CUL4A: variants seen among roughly 807,000 people sequenced by gnomAD.
CUL4A encodes the protein cullin 4A, also known as cullin-4A.
CUL4A carries 16 observed loss-of-function variants against 95.5 expected under a neutral mutation model. That is an observed-to-expected ratio of 0.17 (90% confidence interval 0.11 to 0.25). CUL4A has a LOEUF of 0.25. CUL4A is among the 10% of genes least tolerant of loss of function. The pLI is 1.00. For synonymous variants in CUL4A, 380 were observed against 353.1 expected, an observed-to-expected ratio of 1.08 and a Z score of -0.85; for missense variants, 610 against 937.0, an observed-to-expected ratio of 0.65 and a Z score of 4.56.
intron 3 of CUL4A, among the ~76,000 whole-genome samples, chr13:113,227,100 C>T (rs1303456234): frequency 6.6e-6 from 1 of 152,074 alleles, no homozygotes; most frequent in Non-Finnish European, 1.5e-5. Flanking sequence ...CAGAGGCAGG[C>T]GGGGCCGTGG....
At chr13:113,208,196 C>T, upstream of CUL4A, 2 of 1,556,080 alleles carry the variant, frequency 1.3e-6, no homozygotes, top group South Asian at 2.3e-5. Flanking sequence ...TCCCCGAATT[C>T]ATCCCGCATC....
upstream of CUL4A, chr13:113,208,930 C>G: frequency 7.5e-7 from 1 of 1,329,530 alleles, no homozygotes; most frequent in Non-Finnish European, 9.6e-7. Context: ...AGCCCCACGG[C>G]TAAACTGCCT....
At chr13:113,223,252 T>G (rs933255187) in intron 3 of CUL4A, among the ~76,000 whole-genome samples, 3 of 152,172 alleles carry the variant, frequency 2.0e-5, no homozygotes, top group African/African-American at 4.8e-5. Flanking sequence ...CAGTCTCACC[T>G]GGGGAAATGT....
At chr13:113,260,536 T>G (rs2042249380) in intron 18 of CUL4A, 71 bp from the exon 19 acceptor site, 20 of 1,402,662 alleles carry the variant, frequency 1.4e-5, no homozygotes, top group Non-Finnish European at 1.9e-5. Context: ...GGCAACTGAG[T>G]GAGACTCCAT....
rs375498350 is a variant in CUL4A at position 113,225,669 on chromosome 13, C to G, written c.369-2307C>G. 4.7e-4 allele frequency among the ~76,000 whole-genome samples: 72 copies of G among 152,336 alleles called. No homozygotes were observed. In the East Asian group the frequency reaches 0.013, roughly 27 times the overall value. The stretch of plus-strand genomic sequence containing the variant: ...TCCGCCTTCGGCTGCTGTGGCCCGC[C>G]TGCCCGCAGAGAGGCTTGCTGGGAG... On this transcript the variant is annotated intron_variant, in intron 3 of 19. Coordinates refer to ENST00000375440, the MANE Select transcript of CUL4A (RefSeq NM_001008895.4).
At chr13:113,217,006 C>T (rs2040718727) in intron 2 of CUL4A, among the ~76,000 whole-genome samples, 1 of 152,170 alleles carries the variant, frequency 6.6e-6, no homozygotes, top group African/African-American at 2.4e-5. Context: ...CCAAATAGGA[C>T]ACATAGGAGG....
rs890148226 is a variant in CUL4A at position 113,265,748 on chromosome 13, A to G, written c.*2166A>G. 3.9e-5 allele frequency: 6 copies of G among 152,240 alleles called. No homozygotes were observed. Among genetic ancestry groups the G allele is most frequent in the Non-Finnish European group, 5.9e-5 (4 of 68,052 alleles). 9.4% of individuals were successfully genotyped at this position (152,240 alleles called of 1,614,324 possible). On this transcript the variant is annotated 3_prime_UTR_variant, in exon 20 of 20. Transcript: ENST00000375440. ...TTTATATCTATTCTCTTATTTAGCA[A>G]TATTTAATGTTTTATTGTTAAAGGT...
chr13:113,208,572 G>A (rs769858877), upstream of CUL4A: 10 of 1,605,154 alleles, frequency 6.2e-6, no homozygotes, highest in Non-Finnish European at 7.6e-6. Context: ...CAACCACGCC[G>A]CCGCGCGCTC....
intron 4 of CUL4A, among the ~76,000 whole-genome samples, chr13:113,229,210 C>T (rs1180495084): frequency 1.3e-5 from 2 of 152,058 alleles, no homozygotes; most frequent in Non-Finnish European, 2.9e-5. Flanking sequence ...AAAAAGATAC[C>T]ATTTTAGGCT....
chr13:113,209,708 G>T lies in CUL4A; in HGVS notation c.81G>T (p.Leu27=). The change falls in exon 1 of 20, where the codon CTG becomes CTT. Residue 27 remains leucine (L), a synonymous_variant. Transcript: ENST00000375440. ...ACGGCCTCACCAAGCCCGCGGCCCT[G>T]GCCGCCGCGCCCGCCAAGCCGGGGG... ...RTNGLTKPAA[L]AAAPAKPGGA... is the part of the protein sequence containing the mutation. The T allele has an allele frequency of 8.6e-7, 1 of 1,157,556 alleles. No homozygotes were observed. The highest frequency in any genetic ancestry group is 1.1e-6 in the Non-Finnish European group (1 of 940,820). The allele number at this position is 1,157,556 out of a possible 1,614,324, so 71.7% of individuals were successfully genotyped here.
rs1421156962 is a variant in CUL4A at position 113,223,420 on chromosome 13, G to A, written c.368+4372G>A. On this transcript the variant is annotated intron_variant, in intron 3 of 19. Coordinates refer to ENST00000375440, the MANE Select transcript of CUL4A (RefSeq NM_001008895.4). ...GTTGTTGTTGTTGTTTTGAGACGGA[G>A]TTTCGCTCTTAATTGCCCAGGCTAG... Among the ~76,000 whole-genome samples the A allele has an allele frequency of 2.0e-5, 3 of 152,266 alleles. No homozygotes were observed. The East Asian group carries it at 5.8e-4, about 29-fold the overall frequency.
At chr13:113,231,413 G>A (rs2041305105) in intron 5 of CUL4A, among the ~76,000 whole-genome samples, 3 of 152,282 alleles carry the variant, frequency 2.0e-5, no homozygotes, top group Middle Eastern at 6.8e-3. Context: ...TGGCTAGGAC[G>A]GCAGCATGAC....
At position 113,238,864 on chromosome 13, in the gene CUL4A, G is replaced by A. The variant is rs7139798; in HGVS notation, c.917-569G>A. On this transcript the variant is annotated intron_variant, in intron 9 of 19. Coordinates refer to ENST00000375440, the MANE Select transcript of CUL4A (RefSeq NM_001008895.4). ...GCTGCCTCTCAGTAGTTATCATAAA[G>A]CAAGTATTTAGAAAATCTATGAGAG... 8.6e-3 allele frequency among the ~76,000 whole-genome samples: 1,304 copies of A among 152,316 alleles called. 21 individuals carry two copies. The highest frequency in any genetic ancestry group is 0.03 in the African/African-American group (1,258 of 41,562).
chr13:113,235,220 A>G, intron 8 of CUL4A, 75 bp downstream of exon 8: 3 of 1,011,706 alleles, frequency 3.0e-6, no homozygotes, highest in Non-Finnish European at 4.6e-6. Flanking sequence ...TTATTGAAAT[A>G]AAGGGTGTCT....
chr13:113,229,774 A>G, intron 5 of CUL4A: 2 of 497,918 alleles, frequency 4.0e-6, no homozygotes, highest in Non-Finnish European at 7.0e-6. Flanking sequence ...GTGAAGACAG[A>G]GGGTCTTGGT....
chr13:113,233,138 G>A (rs758366548), intron 5 of CUL4A, 39 bp from the exon 6 acceptor site: 99 of 1,587,014 alleles, frequency 6.2e-5, no homozygotes, highest in Non-Finnish European at 7.8e-5. Context: ...TCTAAAAAGC[G>A]AAACTAAAAT....
intron 2 of CUL4A, among the ~76,000 whole-genome samples, 171 bp downstream of exon 2, chr13:113,210,259 G>T (rs997874034): frequency 6.6e-6 from 1 of 152,214 alleles, no homozygotes. Context: ...TTTGTTTATT[G>T]CCGTGGTGGA....
intron 3 of CUL4A, among the ~76,000 whole-genome samples, chr13:113,227,678 A>T (rs2041156160): frequency 6.6e-6 from 1 of 152,112 alleles, no homozygotes; most frequent in Non-Finnish European, 1.5e-5. Context: ...GGCTGAGGCC[A>T]GTGGATCACA....
At chr13:113,220,507 A>G (rs556000125) in intron 3 of CUL4A, among the ~76,000 whole-genome samples, 3 of 152,370 alleles carry the variant, frequency 2.0e-5, no homozygotes, top group South Asian at 4.1e-4. Flanking sequence ...ATGCGCTTCC[A>G]GGAACCTACG....
Sources: allele counts gnomAD v4.1 joint callset (sites outside exome capture counted in the v4.1 genomes callset), GRCh38; gene constraint gnomAD v4.1.1; transcripts MANE v1.5; gene names NCBI Gene and HGNC (gene_info 2026-07-23, HGNC 2026-07-21).